Variants in STK32C observed in about 807,000 individuals in gnomAD.
The protein encoded by STK32C is serine/threonine-protein kinase 32C.
Under a neutral mutation model 56.5 loss-of-function variants are expected in STK32C, and 31 were observed. That is an observed-to-expected ratio of 0.55 (90% CI 0.41 to 0.74). The LOEUF is 0.74. Among genes scored for constraint, STK32C ranks in the 30% least tolerant of loss-of-function variants. STK32C has a pLI of 0.00. For missense variants in STK32C, 544 were observed against 676.9 expected (o/e 0.80, Z 2.18); for synonymous variants, 309 against 289.4 (o/e 1.07, Z -0.69).
chr10:132,219,820 C>T (rs1039099421), intron 10 of STK32C, among the ~76,000 whole-genome samples: 2 of 152,154 alleles, frequency 1.3e-5, no homozygotes, highest in Non-Finnish European at 2.9e-5. Context: ...GAGGAGGGGA[C>T]TGACACCCGT....
chr10:132,331,182 C>T (rs1295296665), intron 1 of STK32C, among the ~76,000 whole-genome samples: 1 of 91,192 alleles, frequency 1.1e-5, no homozygotes, highest in African/African-American at 4.4e-5. Flanking sequence ...GCCTGGGAGA[C>T]AAAGCAAGAC....
chr10:132,290,439 G>A (rs926845607), intron 1 of STK32C, among the ~76,000 whole-genome samples: 10 of 152,220 alleles, frequency 6.6e-5, no homozygotes, highest in Admixed American at 2.0e-4. Flanking sequence ...AGACAGAAAC[G>A]TGTTCTTGCA....
chr10:132,267,626 C>A (rs1327759693), intron 1 of STK32C, among the ~76,000 whole-genome samples: 1 of 141,260 alleles, frequency 7.1e-6, no homozygotes, highest in Non-Finnish European at 1.5e-5. Context: ...CAGCTCTATG[C>A]CTGTCTGTGT....
chr10:132,324,733 G>A (rs554068418), intron 1 of STK32C, among the ~76,000 whole-genome samples: 4 of 152,358 alleles, frequency 2.6e-5, no homozygotes, highest in Admixed American at 2.6e-4. Context: ...ATGGCCCAAG[G>A]CAGTCTCAAG....
At chr10:132,208,507 G>A (rs1173417993) in intron 11 of STK32C, among the ~76,000 whole-genome samples, 2 of 152,318 alleles carry the variant, frequency 1.3e-5, no homozygotes, top group South Asian at 2.1e-4. Flanking sequence ...CCGTCTGCAC[G>A]TGCTGCCCTG....
intron 7 of STK32C, 30 bp from the exon 8 acceptor site, chr10:132,224,553 T>TC: frequency 6.6e-7 from 1 of 1,517,972 alleles, no homozygotes; most frequent in Non-Finnish European, 9.0e-7. Flanking sequence ...GCTGGGCAGG[T>TC]CCTCCTGGCC....
chr10:132,224,670 C>T (rs1451016223), intron 7 of STK32C, 147 bp from the exon 8 acceptor site: 4 of 660,580 alleles, frequency 6.1e-6, no homozygotes, highest in African/African-American at 5.4e-5. Flanking sequence ...TGGCCTCCAC[C>T]TGCCGCGGAG....
chr10:132,229,512 G>C (rs2063020107), intron 2 of STK32C, among the ~76,000 whole-genome samples: 1 of 152,338 alleles, frequency 6.6e-6, no homozygotes, highest in Non-Finnish European at 1.5e-5. Context: ...AATTAAGTCA[G>C]ATGATTAACA....
intron 1 of STK32C, among the ~76,000 whole-genome samples, chr10:132,275,631 G>C (rs1161035291): frequency 6.6e-6 from 1 of 152,158 alleles, no homozygotes; most frequent in African/African-American, 2.4e-5. Context: ...CCAGTGGCCA[G>C]GGGCCAGCGC....
intron 4 of STK32C, 92 bp from the exon 5 acceptor site, chr10:132,225,876 T>C (rs1009702993): frequency 1.3e-6 from 2 of 1,541,456 alleles, no homozygotes; most frequent in Non-Finnish European, 1.8e-6. Flanking sequence ...CCCCAGGACA[T>C]CCCACCAACC....
intron 1 of STK32C, among the ~76,000 whole-genome samples, chr10:132,292,924 C>T (rs538234456): frequency 4.8e-4 from 72 of 151,344 alleles, no homozygotes; most frequent in African/African-American, 1.6e-3. Context: ...CCCATGCAGA[C>T]GTCCTCCTCC....
chr10:132,265,857 G>A (rs1374404117), intron 1 of STK32C, among the ~76,000 whole-genome samples: 1 of 152,196 alleles, frequency 6.6e-6, no homozygotes, highest in South Asian at 2.1e-4. Context: ...ACAGCAGCGA[G>A]GCCTGGCAAG....
intron 10 of STK32C, 172 bp from the exon 11 acceptor site, chr10:132,209,273 C>T (rs747626571): frequency 9.9e-6 from 7 of 710,194 alleles, no homozygotes; most frequent in Admixed American, 4.0e-5. Flanking sequence ...CCCGGGAGCT[C>T]GCATCTCTGC....
Position 132,207,730 on chromosome 10 carries a change from A to G in STK32C, c.*280T>C. 1 of 324,406 alleles carries G rather than the reference A, an allele frequency of 3.1e-6. No homozygotes were observed. Among genetic ancestry groups the G allele is most frequent in the Non-Finnish European group, 5.5e-6 (1 of 180,436 alleles). The allele number at this position is 324,406 out of a possible 1,614,324, so 20.1% of individuals were successfully genotyped here. A position where few individuals can be genotyped will look rare whatever the true frequency, so the allele number is the denominator to read the frequency against. On this transcript the variant is annotated 3_prime_UTR_variant, in exon 12 of 12. Coordinates refer to ENST00000298630, the MANE Select transcript of STK32C (RefSeq NM_173575.4). ...AGACTCCTGTCCCATCCATGGCCCC[A>G]GCTCCCCGTGAGCGGTAAGAGGGCG...
At position 132,268,865 on chromosome 10, in the gene STK32C, A is replaced by T. The variant is rs556617007; in HGVS notation, c.263-22910T>A. Reference sequence around the variant, plus strand: ...TGCAGCTCTATGCCTGTGTGCATGCATGTCCCACATCGTGTGTATGTGTGT... The same window carrying T: ...TGCAGCTCTATGCCTGTGTGCATGCTTGTCCCACATCGTGTGTATGTGTGT... On this transcript the variant is annotated intron_variant, in intron 1 of 11. Transcript: ENST00000298630. Among the ~76,000 whole-genome samples the T allele has an allele frequency of 3.8e-3, 520 of 136,772 alleles. 4 individuals carry two copies. The highest frequency in any genetic ancestry group is 0.014 in the African/African-American group (498 of 35,668). The allele number at this position is 136,772 out of a possible 152,430, so 89.7% of individuals were successfully genotyped here. A position where few individuals can be genotyped will look rare whatever the true frequency, so the allele number is the denominator to read the frequency against.
intron 1 of STK32C, among the ~76,000 whole-genome samples, chr10:132,282,257 C>T (rs994952883): frequency 3.3e-5 from 5 of 152,254 alleles, no homozygotes; most frequent in African/African-American, 7.2e-5. Flanking sequence ...GCTCTCACAG[C>T]GCCCATCCCT....
intron 1 of STK32C, among the ~76,000 whole-genome samples, chr10:132,273,299 G>A (rs1363251613): frequency 1.3e-5 from 2 of 152,082 alleles, no homozygotes; most frequent in African/African-American, 4.8e-5. Flanking sequence ...TAAAGGTCCT[G>A]TGAACGGGCT....
intron 2 of STK32C, among the ~76,000 whole-genome samples, chr10:132,230,685 G>C (rs908272741): frequency 4.2e-5 from 6 of 143,490 alleles, no homozygotes; most frequent in African/African-American, 7.6e-5. Context: ...CTGGCGGGGG[G>C]GGGGGGGCTG....
intron 1 of STK32C, among the ~76,000 whole-genome samples, chr10:132,247,277 G>A (rs1342433720): frequency 2.6e-5 from 4 of 152,182 alleles, no homozygotes; most frequent in Non-Finnish European, 5.9e-5. Context: ...CTAGACGAAA[G>A]GTTTCTTTGC....
Sources: gnomAD v4.1 joint callset for allele counts (sites outside exome capture counted in the v4.1 genomes callset) on GRCh38, gnomAD v4.1.1 for gene constraint, MANE v1.5 for transcripts, NCBI Gene and HGNC (gene_info 2026-07-23, HGNC 2026-07-21) for gene names.